SAMD4A: variants seen among roughly 807,000 people sequenced by gnomAD.
SAMD4A encodes sterile alpha motif domain containing 4A.
A neutral mutation model predicts 81.3 loss-of-function variants in SAMD4A; 33 were observed. The observed-to-expected ratio is 0.41, with a 90% confidence interval of 0.31 to 0.54. The LOEUF (loss-of-function observed/expected upper bound fraction) is 0.54, where lower values mean the gene tolerates loss of function less well. Among genes scored for constraint, SAMD4A ranks in the 20% least tolerant of loss-of-function variants. SAMD4A has a pLI of 0.37. For missense variants in SAMD4A, 854 were observed against 951.1 expected (o/e 0.90, Z 1.34); for synonymous variants, 389 against 382.1 (o/e 1.02, Z -0.21).
chr14:54,643,231 C>A (rs1015624893), intron 2 of SAMD4A, among the ~76,000 whole-genome samples: 2 of 152,178 alleles, frequency 1.3e-5, no homozygotes, highest in Non-Finnish European at 2.9e-5. Flanking sequence ...CTAAGGGGGA[C>A]AGAAAAGCAT....
intron 2 of SAMD4A, among the ~76,000 whole-genome samples, chr14:54,626,081 C>T (rs1485068498): frequency 2.8e-5 from 4 of 144,684 alleles, no homozygotes; most frequent in East Asian, 2.0e-4. Flanking sequence ...CGCGCGAGTG[C>T]GCACATGTGC....
intron 2 of SAMD4A, among the ~76,000 whole-genome samples, chr14:54,680,392 T>C (rs1017860591): frequency 1.3e-5 from 2 of 152,264 alleles, no homozygotes; most frequent in Non-Finnish European, 2.9e-5. Flanking sequence ...TTTTCAGGTC[T>C]GTTACTGAAA....
At chr14:54,774,835 ATG>A (rs1465591530) in intron 9 of SAMD4A, 97 bp from the exon 10 acceptor site, 14 of 937,248 alleles carry the variant, frequency 1.5e-5, no homozygotes, top group Admixed American at 1.2e-4. Context: ...AAAAAAAAAA[ATG>A]AGGAGACCTC....
intron 6 of SAMD4A, among the ~76,000 whole-genome samples, chr14:54,752,387 G>A (rs1007988543): frequency 2.6e-5 from 4 of 152,222 alleles, no homozygotes; most frequent in African/African-American, 4.8e-5. Flanking sequence ...GGTACTGGGA[G>A]GCAAGAGTGG....
At chr14:54,678,210 A>C (rs1445807532) in intron 2 of SAMD4A, among the ~76,000 whole-genome samples, 2 of 152,178 alleles carry the variant, frequency 1.3e-5, no homozygotes, top group Non-Finnish European at 2.9e-5. Flanking sequence ...TAATGGTAAT[A>C]AACTTAAGGG....
At position 54,626,055 on chromosome 14, in the gene SAMD4A, TGTGTGCGC is replaced by T. The variant is rs1168853190; in HGVS notation, c.196+57945_196+57952del. ...GTGTGTGTGTGTGTGTGTGTGTGTG[TGTGTGCGC>T]GCGCGCGCGCGCGAGTGCGCACATG... On this transcript the variant is annotated intron_variant, in intron 2 of 12. Transcript: ENST00000554335. Among the ~76,000 whole-genome samples the T allele has an allele frequency of 2.3e-3, 244 of 108,314 alleles. 1 individual carries two copies. Among genetic ancestry groups the T allele is most frequent in the African/African-American group, 8.8e-3 (210 of 23,796 alleles). 71.1% of individuals were successfully genotyped at this position (108,314 alleles called of 152,430 possible).
At chr14:54,612,782 T>C (rs1014421120) in intron 2 of SAMD4A, among the ~76,000 whole-genome samples, 1 of 152,134 alleles carries the variant, frequency 6.6e-6, no homozygotes, top group African/African-American at 2.4e-5. Context: ...GTGGGAAGAC[T>C]ACCCGAGGCA....
At chr14:54,585,583 C>T (rs2033592374) in intron 2 of SAMD4A, among the ~76,000 whole-genome samples, 1 of 152,096 alleles carries the variant, frequency 6.6e-6, no homozygotes, top group Non-Finnish European at 1.5e-5. Context: ...ACTCTTTTAT[C>T]CCTCACCATC....
At chr14:54,601,544 C>A (rs974161553) in intron 2 of SAMD4A, among the ~76,000 whole-genome samples, 2 of 152,134 alleles carry the variant, frequency 1.3e-5, no homozygotes, top group Non-Finnish European at 2.9e-5. Flanking sequence ...AGAAACCCAG[C>A]GACATTTTAA....
intron 10 of SAMD4A, among the ~76,000 whole-genome samples, chr14:54,775,990 G>A (rs1426889378): frequency 2.4e-5 from 3 of 125,148 alleles, no homozygotes; most frequent in Non-Finnish European, 4.7e-5. Context: ...TCTCCCCCTC[G>A]CTTTGGAGTA....
Position 54,772,234 on chromosome 14 carries a change from T to C in SAMD4A, c.1715+2012T>C, listed in dbSNP as rs75176400. Among the ~76,000 whole-genome samples, 694 of 152,312 alleles carry C rather than the reference T, an allele frequency of 4.6e-3. 6 individuals carry two copies. The highest frequency in any genetic ancestry group is 0.016 in the African/African-American group (655 of 41,562). ...CAAAGACTTTTCATGCATTTCAACATTTCAGTGTAATGAAATCAGATTTAG... is the reference window on the plus strand; with the variant it reads ...CAAAGACTTTTCATGCATTTCAACACTTCAGTGTAATGAAATCAGATTTAG... On this transcript the variant is annotated intron_variant, in intron 9 of 12. Transcript: ENST00000554335.
intron 2 of SAMD4A, among the ~76,000 whole-genome samples, chr14:54,692,687 A>G (rs2036471576): frequency 6.6e-6 from 1 of 152,146 alleles, no homozygotes; most frequent in Admixed American, 6.5e-5. Context: ...AGAGAGTGGG[A>G]AAGCTTCCTG....
chr14:54,571,952 G>A (rs998249163), intron 2 of SAMD4A, among the ~76,000 whole-genome samples: 4 of 152,166 alleles, frequency 2.6e-5, no homozygotes, highest in Admixed American at 6.5e-5. Context: ...TCCACCCTGC[G>A]TTACTTTTTA....
At chr14:54,740,339 G>A (rs2037815291) in intron 4 of SAMD4A, among the ~76,000 whole-genome samples, 1 of 152,148 alleles carries the variant, frequency 6.6e-6, no homozygotes, top group Non-Finnish European at 1.5e-5. Context: ...GGTCCACTTT[G>A]GGGTGCCATC....
intron 2 of SAMD4A, among the ~76,000 whole-genome samples, chr14:54,633,271 G>T (rs1382276910): frequency 2.0e-5 from 3 of 152,212 alleles, no homozygotes; most frequent in African/African-American, 7.2e-5. Flanking sequence ...GATCACAACA[G>T]CTGGGGCTAT....
At chr14:54,676,028 C>A (rs2035985912) in intron 2 of SAMD4A, among the ~76,000 whole-genome samples, 1 of 152,204 alleles carries the variant, frequency 6.6e-6, no homozygotes, top group Non-Finnish European at 1.5e-5. Context: ...TGTGTGCTGA[C>A]TCGTGCCTAA....
intron 4 of SAMD4A, among the ~76,000 whole-genome samples, chr14:54,743,142 G>T (rs1047801106): frequency 6.6e-6 from 1 of 152,178 alleles, no homozygotes; most frequent in South Asian, 2.1e-4. Context: ...GGTCACAGAG[G>T]TCTGAGTGAT....
chr14:54,767,242 T>C (rs2038572267), intron 8 of SAMD4A, among the ~76,000 whole-genome samples: 1 of 152,158 alleles, frequency 6.6e-6, no homozygotes, highest in South Asian at 2.1e-4. Context: ...ACAGCCTCCA[T>C]CCTGGAAGAA....
Position 54,774,952 on chromosome 14 carries a change from C to T in SAMD4A, c.1734C>T (p.Ser578=). ...CTCACAGTCGAGGCTTTGGGCAATC[C>T]AACTCCCTCCCGACGGCTGGCTCTG... ...RQQRNRGFGQ[S]NSLPTAGSVG... The change falls in exon 10 of 13, where the codon TCC becomes TCT. Residue 578 remains serine (S), a synonymous_variant. Transcript: ENST00000554335. The T allele has an allele frequency of 6.2e-7, 1 of 1,614,150 alleles. No homozygotes were observed.
Sources: allele counts gnomAD v4.1 joint callset (sites outside exome capture counted in the v4.1 genomes callset), GRCh38; gene constraint gnomAD v4.1.1; transcripts MANE v1.5; gene names NCBI Gene and HGNC (gene_info 2026-07-23, HGNC 2026-07-21).